Variants in ADAM23 observed in about 807,000 individuals in gnomAD.
ADAM23 encodes disintegrin and metalloproteinase domain-containing protein 23.
Under a neutral mutation model 120.1 loss-of-function variants are expected in ADAM23, and 33 were observed. The observed-to-expected ratio is 0.27, with a 90% CI of 0.21 to 0.37. The LOEUF is 0.37. Ranked by LOEUF, ADAM23 falls within the 10% of genes least tolerant of loss-of-function variation. The pLI is 1.00. For synonymous variants in ADAM23, 367 were observed against 375.2 expected, an observed-to-expected ratio of 0.98 and a Z score of 0.25; for missense variants, 862 against 1,058.2, an observed-to-expected ratio of 0.81 and a Z score of 2.57.
chr2:206,525,106 T>G (rs1177878998), intron 3 of ADAM23, among the ~76,000 whole-genome samples: 1 of 152,170 alleles, frequency 6.6e-6, no homozygotes, highest in Non-Finnish European at 1.5e-5. Flanking sequence ...ATGCCTCTTT[T>G]CATTTCCACA....
intron 3 of ADAM23, among the ~76,000 whole-genome samples, chr2:206,494,949 A>C (rs961640868): frequency 6.6e-6 from 1 of 152,212 alleles, no homozygotes; most frequent in Admixed American, 6.5e-5. Flanking sequence ...GTTTAGATAA[A>C]AAAAGAATAA....
intron 3 of ADAM23, among the ~76,000 whole-genome samples, chr2:206,517,003 TAATA>T (rs1260499185): frequency 4.0e-5 from 6 of 151,854 alleles, no homozygotes; most frequent in Non-Finnish European, 8.8e-5. Context: ...GCTAAAATAA[TAATA>T]AATAAATAAA....
At chr2:206,477,897 A>AAAAAATATATATATATATAT (rs374524658) in intron 2 of ADAM23, among the ~76,000 whole-genome samples, 11 of 93,598 alleles carry the variant, frequency 1.2e-4, no homozygotes, top group Non-Finnish European at 1.6e-4. Flanking sequence ...AAAAAAAAAA[A>AAAAAATATATATATATATAT]ATATATATAT....
At chr2:206,467,174 G>A (rs1169239840) in intron 2 of ADAM23, among the ~76,000 whole-genome samples, 2 of 152,162 alleles carry the variant, frequency 1.3e-5, no homozygotes, top group African/African-American at 4.8e-5. Flanking sequence ...CAAATCTCGT[G>A]TCCTTTTCAT....
At position 206,483,624 on chromosome 2, in the gene ADAM23, G is replaced by T. The variant is rs149237975; in HGVS notation, c.509+2316G>T. 2.8e-3 allele frequency among the ~76,000 whole-genome samples: 432 copies of T among 152,234 alleles called. 2 individuals are homozygous for T. The highest frequency in any genetic ancestry group is 9.8e-3 in the African/African-American group (406 of 41,548). On this transcript the variant is annotated intron_variant, in intron 3 of 25. Coordinates refer to ENST00000264377, the MANE Select transcript of ADAM23 (RefSeq NM_003812.4). ...GGAGAAATAGGACAATCAGGAGAAT[G>T]ATTAAACAGAGTTTCAAAATGGGAA...
At chr2:206,616,418 C>T (rs1364520731) in intron 25 of ADAM23, among the ~76,000 whole-genome samples, 3 of 152,236 alleles carry the variant, frequency 2.0e-5, no homozygotes, top group Admixed American at 1.3e-4. Flanking sequence ...CTCATGAAGA[C>T]GTTTTAATGT....
rs555954717 is a variant in ADAM23, at chr2:206,586,277, A to G, written c.1738-1048A>G. 3.3e-5 allele frequency among the ~76,000 whole-genome samples: 5 copies of G among 152,296 alleles called. No individual in the cohort carries two copies. In the East Asian group the frequency reaches 9.6e-4, roughly 29 times the overall value. On this transcript the variant is annotated intron_variant, in intron 18 of 25. Coordinates refer to ENST00000264377, the MANE Select transcript of ADAM23 (RefSeq NM_003812.4). ...AAGAGATCACTCTGATAGCAATGTA[A>G]ACTCTAAGGTGACTAGGATAGAAGC... is the stretch of plus-strand genomic sequence containing the variant.
intron 24 of ADAM23, chr2:206,606,737 T>C (rs1379308223): frequency 2.6e-5 from 4 of 152,238 alleles, no homozygotes; most frequent in Admixed American, 2.6e-4. Context: ...CTGAGATTGC[T>C]AATCTGTAGA....
At chr2:206,497,191 C>T (rs1696271504) in intron 3 of ADAM23, among the ~76,000 whole-genome samples, 4 of 152,076 alleles carry the variant, frequency 2.6e-5, no homozygotes, top group South Asian at 4.1e-4. Context: ...CTGGCAGAGA[C>T]ACAACGAAAA....
chr2:206,457,005 A>G (rs1004130497), intron 2 of ADAM23, among the ~76,000 whole-genome samples: 3 of 152,146 alleles, frequency 2.0e-5, no homozygotes, highest in Non-Finnish European at 2.9e-5. Context: ...AATACCATAT[A>G]CTATAATAGC....
In ADAM23 at chr2:206,495,427, A is replaced by C. The variant is rs574005918; in HGVS notation, c.509+14119A>C. 2.4e-3 allele frequency among the ~76,000 whole-genome samples: 363 copies of C among 152,282 alleles called. 1 individual carries two copies. The highest frequency in any genetic ancestry group is 8.5e-3 in the African/African-American group (352 of 41,552). On this transcript the variant is annotated intron_variant, in intron 3 of 25. Transcript: ENST00000264377. ...GCTTCATAAGTGAAGGAGAAATAAA[A>C]TCCTTTACAGACAAGCAAATGCTGA...
chr2:206,570,949 A>G lies in ADAM23; in HGVS notation c.1566+138A>G. ...ATCTCTCTGATTAGTGCTTAATTCA[A>G]CTCAGACCTGTTGGAATCAGTCATG... On this transcript the variant is annotated intron_variant, in intron 16 of 25. Transcript: ENST00000264377. The G allele has an allele frequency of 8.7e-6, 6 of 685,918 alleles. No homozygotes were observed. The South Asian group carries it at 9.5e-5, about 11-fold the overall frequency. 42.5% of individuals were successfully genotyped at this position (685,918 alleles called of 1,614,324 possible).
intron 9 of ADAM23, among the ~76,000 whole-genome samples, chr2:206,554,593 T>C (rs1697602677): frequency 6.6e-6 from 1 of 152,186 alleles, no homozygotes. Context: ...TGAGTTTTCA[T>C]TAATAATCAT....
At chr2:206,473,692 A>G (rs1458550909) in intron 2 of ADAM23, among the ~76,000 whole-genome samples, 1 of 151,778 alleles carries the variant, frequency 6.6e-6, no homozygotes, top group African/African-American at 2.4e-5. Flanking sequence ...CCTTAACCAT[A>G]TTATAATCTT....
chr2:206,559,852 C>G (rs1371333376), intron 10 of ADAM23, 103 bp from the exon 11 acceptor site: 17 of 979,200 alleles, frequency 1.7e-5, no homozygotes, highest in Non-Finnish European at 1.9e-5. Context: ...ACCCCGTGTT[C>G]TCTCACCTCC....
intron 2 of ADAM23, among the ~76,000 whole-genome samples, chr2:206,472,598 G>A (rs35781271): frequency 0.069 from 9,549 of 138,180 alleles, 397 homozygotes; most frequent in Middle Eastern, 0.11. Context: ...ATGACAAAGC[G>A]AGACTCCATC....
intron 12 of ADAM23, among the ~76,000 whole-genome samples, chr2:206,561,879 T>C (rs140404059): frequency 6.6e-5 from 10 of 152,338 alleles, no homozygotes; most frequent in African/African-American, 2.4e-4. Context: ...GCCCATTTAG[T>C]AGGTACCTCT....
intron 3 of ADAM23, among the ~76,000 whole-genome samples, chr2:206,523,287 A>G (rs752190262): frequency 5.5e-5 from 6 of 108,122 alleles, no homozygotes; most frequent in African/African-American, 8.3e-5. Flanking sequence ...TTAGGAGATC[A>G]TTAAATTTCT....
intron 25 of ADAM23, among the ~76,000 whole-genome samples, chr2:206,613,095 T>C (rs1698866416): frequency 6.6e-6 from 1 of 152,216 alleles, no homozygotes; most frequent in South Asian, 2.1e-4. Context: ...GTTTTGCTTT[T>C]ATTGCCCAGG....
Sources: allele counts gnomAD v4.1 joint callset (sites outside exome capture counted in the v4.1 genomes callset), GRCh38; gene constraint gnomAD v4.1.1; transcripts MANE v1.5; gene names NCBI Gene and HGNC (gene_info 2026-07-23, HGNC 2026-07-21).